The following PLAT variants were observed in gnomAD, a reference collection of about 807,000 sequenced individuals.
PLAT encodes tissue-type plasminogen activator.
PLAT carries 48 observed loss-of-function variants against 74.9 expected under a neutral mutation model. The observed-to-expected ratio is 0.64, with a 90% CI of 0.51 to 0.82. The LOEUF (loss-of-function observed/expected upper bound fraction) is 0.82. Among genes scored for constraint, PLAT ranks in the 40% least tolerant of loss-of-function variants. The pLI is 0.00. For missense variants in PLAT, 673 were observed against 736.2 expected (o/e 0.91, Z 0.99); for synonymous variants, 307 against 294.4 (o/e 1.04, Z -0.44).
chr8:42,182,977 C>T (rs755304085), intron 7 of PLAT, 87 bp from the exon 8 acceptor site: 12 of 1,096,068 alleles, frequency 1.1e-5, no homozygotes, highest in Non-Finnish European at 1.5e-5. Flanking sequence ...AGCTGCCGGT[C>T]GAGGAAGCTG....
chr8:42,176,182 C>A, intron 13 of PLAT, 31 bp from the exon 14 acceptor site: 3 of 1,574,142 alleles, frequency 1.9e-6, no homozygotes, highest in Admixed American at 1.9e-5. Flanking sequence ...TTGGCGTTTG[C>A]AAAAAAAGCA....
chr8:42,188,121 T>C, intron 4 of PLAT, 105 bp from the exon 5 acceptor site: 1 of 663,510 alleles, frequency 1.5e-6, no homozygotes, highest in Admixed American at 2.6e-5. Context: ...ACTCAAGTCC[T>C]GCAGCGTGGA....
At chr8:42,181,423 A>C (rs1805234901) in intron 9 of PLAT, among the ~76,000 whole-genome samples, 1 of 152,216 alleles carries the variant, frequency 6.6e-6, no homozygotes, top group Admixed American at 6.5e-5. Flanking sequence ...CAGTGGAAGT[A>C]CATGCCATTG....
chr8:42,203,992 T>TATATATATATATATACACACACACAC (rs1554499838), intron 1 of PLAT, among the ~76,000 whole-genome samples: 9 of 109,858 alleles, frequency 8.2e-5, no homozygotes, highest in African/African-American at 4.7e-4. Flanking sequence ...TATATATATA[T>TATATATATATATATACACACACACAC]ACACACACAC....
chr8:42,175,973 G>A lies in PLAT; in HGVS notation c.*20C>T. The A allele has an allele frequency of 1.2e-6, 2 of 1,612,380 alleles. No individual in the cohort carries two copies. The highest frequency in any genetic ancestry group is 1.7e-6 in the Non-Finnish European group (2 of 1,178,720). On this transcript the variant is annotated 3_prime_UTR_variant, in exon 14 of 14. Transcript: ENST00000220809. The stretch of plus-strand genomic sequence containing the variant: ...AAGAGGCGGGATCTCATTTGCTTTT[G>A]AGGAGTCGGGTGTTCCTGGTCACGG...
intron 8 of PLAT, 56 bp from the exon 9 acceptor site, chr8:42,182,078 G>A (rs1248290327): frequency 9.0e-7 from 1 of 1,116,476 alleles, no homozygotes; most frequent in Non-Finnish European, 1.3e-6. Flanking sequence ...TTTAATTTTT[G>A]TAGAGATGGG....
At chr8:42,200,823 CA>C (rs2129813793) in intron 1 of PLAT, among the ~76,000 whole-genome samples, 1 of 152,024 alleles carries the variant, frequency 6.6e-6, no homozygotes, top group South Asian at 2.1e-4. Flanking sequence ...ATGTGACACC[CA>C]ATTGTAACTT....
Position 42,180,262 on chromosome 8 carries a change from T to G in PLAT, c.1202A>C (p.Asp401Ala), listed in dbSNP as rs762297581. Residue 401 changes from aspartate to alanine, a missense_variant, in exon 11 of 14, where the codon GAC becomes GCC. Asp to Ala is a moderately radical substitution (Grantham distance 126). Coordinates refer to ENST00000220809, the MANE Select transcript of PLAT (RefSeq NM_000930.5). ...CTTACCAATGTCATTGTCGTAAGTG[T>G]CATCATCGAATTCCTTATGGACAAT... ...KYIVHKEFDD[D>A]TYDNDIALLQ... 4 of 1,614,242 alleles carry G rather than the reference T, an allele frequency of 2.5e-6. No homozygotes were observed. The highest frequency in any genetic ancestry group is 3.4e-6 in the Non-Finnish European group (4 of 1,180,026).
chr8:42,187,354 C>T lies in PLAT; in HGVS notation c.539+44G>A, dbSNP rs372838171. 7.4e-6 allele frequency: 11 copies of T among 1,491,268 alleles called. No individual in the cohort carries two copies. The Admixed American group carries it at 9.8e-5, about 13-fold the overall frequency. 92.4% of individuals were successfully genotyped at this position (1,491,268 alleles called of 1,614,324 possible). A position where few individuals can be genotyped will look rare whatever the true frequency, so the allele number is the denominator to read the frequency against. On this transcript the variant is annotated intron_variant, in intron 6 of 13. Transcript: ENST00000220809. The stretch of plus-strand genomic sequence containing the variant: ...TGACAGAATCTTTCCCCAGCTGTAG[C>T]AGCTTCTCACAGGGGGAATCCCTCC...
At chr8:42,201,453 T>G (rs1461825355) in intron 1 of PLAT, among the ~76,000 whole-genome samples, 2 of 152,182 alleles carry the variant, frequency 1.3e-5, no homozygotes, top group Non-Finnish European at 2.9e-5. Context: ...CTGGAACAAC[T>G]TGAAGCTGCT....
chr8:42,199,783 T>C (rs8178701), intron 1 of PLAT, among the ~76,000 whole-genome samples: 5,221 of 152,272 alleles, frequency 0.034, 286 homozygotes, highest in African/African-American at 0.12. Context: ...GAAAACTAAA[T>C]CAGTCAGTGC....
At chr8:42,180,097 G>A (rs754241962) in intron 11 of PLAT, 31 bp from the exon 12 acceptor site, 7 of 1,595,438 alleles carry the variant, frequency 4.4e-6, no homozygotes, top group Middle Eastern at 1.7e-4. Flanking sequence ...GTGAGCTGGC[G>A]TGAGGGCCGC....
chr8:42,176,783 ATTCACTT>A (rs1804989506), intron 13 of PLAT, among the ~76,000 whole-genome samples: 2 of 152,156 alleles, frequency 1.3e-5, no homozygotes, highest in Non-Finnish European at 2.9e-5. Flanking sequence ...GGCCGCCATC[ATTCACTT>A]ATTCTCCAAA....
intron 13 of PLAT, among the ~76,000 whole-genome samples, chr8:42,177,006 C>T (rs907136606): frequency 1.3e-5 from 2 of 151,866 alleles, no homozygotes; most frequent in Non-Finnish European, 1.5e-5. Flanking sequence ...GACAGAGTCT[C>T]ACTCTGTCAC....
rs757621967 is a variant in PLAT, at chr8:42,187,481, G to C, written c.456C>G (p.Asn152Lys). ...AGGGCTTCTGGGCCAACGCGCTGCT[G>C]TTCCAGTTGGTGCACTCGGCGCCAC... ...AESGAECTNW[N>K]SSALAQKPYS... The change falls in exon 6 of 14, where the codon AAC becomes AAG. Residue 152 changes from asparagine to lysine, a missense_variant. Physicochemically the swap from Asn to Lys is moderately conservative, Grantham distance 94. Coordinates refer to ENST00000220809, the MANE Select transcript of PLAT (RefSeq NM_000930.5). The C allele has an allele frequency of 3.7e-6, 6 of 1,610,220 alleles. No individual in the cohort carries two copies. Among genetic ancestry groups the C allele is most frequent in the Non-Finnish European group, 5.1e-6 (6 of 1,179,848 alleles).
rs115367577 is a variant in PLAT, at chr8:42,181,981, T to C, written c.845A>G (p.Lys282Arg). 123 of 1,612,956 alleles carry C rather than the reference T, an allele frequency of 7.6e-5. 1 individual carries two copies. In the East Asian group the frequency reaches 2.7e-3, roughly 35 times the overall value. ...GDAKPWCHVLKNRRLTWEYCD... is the reference protein window; with the variant it reads ...GDAKPWCHVLRNRRLTWEYCD... ...GTACTCCCACGTCAGCCTGCGGTTC[T>C]TCAGCACGTGGCACCAGGGCTTGGC... Residue 282 changes from lysine to arginine, a missense_variant, in exon 9 of 14, where the codon AAG becomes AGG. By Grantham distance (26) the Lys-to-Arg change is conservative. Transcript: ENST00000220809.
At position 42,194,050 on chromosome 8, in the gene PLAT, C is replaced by CTTTTTTTTTTTTTTTTT. The variant is rs59850705; in HGVS notation, c.-26-856_-26-840dup. ...CTTTTTCCTTTCTTCTTTCTTCTTT[C>CTTTTTTTTTTTTTTTTT]TTTTTTTTTTTTTTTTTTTTGAGAC... On this transcript the variant is annotated intron_variant, in intron 1 of 13. Transcript: ENST00000220809. Among the ~76,000 whole-genome samples, 86 of 84,904 alleles carry CTTTTTTTTTTTTTTTTT rather than the reference C, an allele frequency of 1.0e-3. 1 individual carries two copies. The highest frequency in any genetic ancestry group is 1.9e-3 in the East Asian group (5 of 2,628). The allele number at this position is 84,904 out of a possible 152,430, so 55.7% of individuals were successfully genotyped here.
chr8:42,191,871 G>A (rs1805699805), intron 2 of PLAT, among the ~76,000 whole-genome samples: 1 of 152,046 alleles, frequency 6.6e-6, no homozygotes, highest in Non-Finnish European at 1.5e-5. Context: ...GGTTAGTTTG[G>A]ACTTCCGTGA....
At chr8:42,194,951 C>G (rs942480519) in intron 1 of PLAT, among the ~76,000 whole-genome samples, 13 of 152,216 alleles carry the variant, frequency 8.5e-5, no homozygotes, top group African/African-American at 3.1e-4. Flanking sequence ...CCATCTGCCT[C>G]TCCTCTGTGA....
Sources: allele counts gnomAD v4.1 joint callset (sites outside exome capture counted in the v4.1 genomes callset), GRCh38; gene constraint gnomAD v4.1.1; transcripts MANE v1.5; gene names NCBI Gene and HGNC (gene_info 2026-07-23, HGNC 2026-07-21).